GPHN: variants seen among roughly 807,000 people sequenced by gnomAD.
GPHN encodes gephyrin.
A neutral mutation model predicts 95.5 loss-of-function variants in GPHN; 17 were observed. That is an observed-to-expected ratio of 0.18 (90% confidence interval 0.12 to 0.27). GPHN has a LOEUF of 0.27. Ranked by LOEUF, GPHN falls within the 10% of genes least tolerant of loss-of-function variation. The pLI is 1.00. For missense variants in GPHN, 660 were observed against 978.1 expected (o/e 0.67, Z 4.34); for synonymous variants, 320 against 322.5 (o/e 0.99, Z 0.08).
At chr14:66,607,320 C>G (rs2062581216) in intron 1 of GPHN, among the ~76,000 whole-genome samples, 1 of 151,678 alleles carries the variant, frequency 6.6e-6, no homozygotes, top group Non-Finnish European at 1.5e-5. Flanking sequence ...AGAATACAGC[C>G]TACTCGATCA....
At chr14:67,556,412 A>G in the GPHN span, among the ~76,000 whole-genome samples, 111 of 152,292 alleles carry the variant, frequency 7.3e-4, 1 homozygote, top group African/African-American at 2.5e-3. Flanking sequence ...CTGAGATTAC[A>G]GGCGTGAGCC....
intron 13 of GPHN, among the ~76,000 whole-genome samples, chr14:67,109,524 A>G (rs2078247069): frequency 6.6e-6 from 1 of 152,194 alleles, no homozygotes; most frequent in Admixed American, 6.5e-5. Context: ...TTCAAAAGTA[A>G]TGTTTAACCT....
At chr14:67,439,545 C>CTT in the GPHN span, among the ~76,000 whole-genome samples, 91 of 137,994 alleles carry the variant, frequency 6.6e-4, no homozygotes, top group African/African-American at 2.5e-3. Context: ...TTCTTTCTTT[C>CTT]TTTCTTTCTT....
chr14:67,280,871 C>CCCTT, the GPHN span, among the ~76,000 whole-genome samples: 4 of 131,128 alleles, frequency 3.1e-5, no homozygotes, highest in African/African-American at 1.2e-4. Context: ...CTCCCTCCCT[C>CCCTT]CCTCCCTCCC....
intron 2 of GPHN, among the ~76,000 whole-genome samples, chr14:66,771,163 C>G (rs1471492234): frequency 2.0e-5 from 3 of 152,288 alleles, no homozygotes; most frequent in Admixed American, 1.3e-4. Context: ...AGTTATCACT[C>G]TCTTCAGTTG....
chr14:67,258,247 A>G, the GPHN span, among the ~76,000 whole-genome samples: 2 of 152,076 alleles, frequency 1.3e-5, no homozygotes, highest in African/African-American at 2.4e-5. Flanking sequence ...TAAAAATTTG[A>G]TAATAGGCCA....
At chr14:66,653,637 T>G (rs2065162920) in intron 1 of GPHN, among the ~76,000 whole-genome samples, 1 of 152,184 alleles carries the variant, frequency 6.6e-6, no homozygotes, top group African/African-American at 2.4e-5. Flanking sequence ...TGTTCTCCAT[T>G]TCTATAATAT....
chr14:67,394,136 G>A, the GPHN span, among the ~76,000 whole-genome samples: 7 of 152,168 alleles, frequency 4.6e-5, no homozygotes, highest in African/African-American at 1.7e-4. Context: ...AGGATTTTCA[G>A]ACATTTCTTT....
At chr14:66,560,857 G>A (rs1056978525) in intron 1 of GPHN, among the ~76,000 whole-genome samples, 110 of 152,080 alleles carry the variant, frequency 7.2e-4, no homozygotes, top group African/African-American at 2.5e-3. Context: ...TTGCCCATTC[G>A]GTATGATATC....
intron 4 of GPHN, among the ~76,000 whole-genome samples, chr14:66,828,710 A>G (rs938841039): frequency 1.3e-5 from 2 of 152,162 alleles, no homozygotes; most frequent in Non-Finnish European, 2.9e-5. Flanking sequence ...GAAAAAAAAC[A>G]ATCCAAAGAT....
intron 8 of GPHN, among the ~76,000 whole-genome samples, chr14:66,933,657 A>T (rs1044986066): frequency 2.6e-5 from 4 of 152,226 alleles, no homozygotes; most frequent in African/African-American, 9.6e-5. Flanking sequence ...TATAAAATGG[A>T]AATAATAATT....
chr14:67,549,244 CGT>C, the GPHN span, among the ~76,000 whole-genome samples: 4 of 148,528 alleles, frequency 2.7e-5, no homozygotes, highest in Admixed American at 6.7e-5. Flanking sequence ...GGTGTGTGTG[CGT>C]GTGTGTGTGT....
At chr14:67,113,571 A>G (rs529489047) in intron 16 of GPHN, among the ~76,000 whole-genome samples, 1 of 152,324 alleles carries the variant, frequency 6.6e-6, no homozygotes, top group South Asian at 2.1e-4. Context: ...CTGTGTGGGA[A>G]GTATCAATGA....
the GPHN span, among the ~76,000 whole-genome samples, chr14:67,323,232 CGTGTGTGT>C: frequency 1.6e-3 from 229 of 143,622 alleles, 2 homozygotes; most frequent in East Asian, 0.026. Flanking sequence ...CATATATACA[CGTGTGTGT>C]GTGTGTGTGT....
the GPHN span, among the ~76,000 whole-genome samples, chr14:67,295,539 T>A: frequency 6.7e-6 from 1 of 148,444 alleles, no homozygotes; most frequent in Non-Finnish European, 1.5e-5. Context: ...ACTACTCGGT[T>A]AAAAAAAAAT....
chr14:66,561,297 A>G (rs1203311576), intron 1 of GPHN, among the ~76,000 whole-genome samples: 1 of 152,078 alleles, frequency 6.6e-6, no homozygotes, highest in African/African-American at 2.4e-5. Flanking sequence ...TATTGATTGG[A>G]ATAGTTTCAG....
rs781463777 is a variant in GPHN, at chr14:67,058,689, T to C, written c.1047T>C (p.His349=). 1 of 1,613,356 alleles carries C rather than the reference T, an allele frequency of 6.2e-7. No homozygotes were observed. Among genetic ancestry groups the C allele is most frequent in the Non-Finnish European group, 8.5e-7 (1 of 1,179,246 alleles). ...ATATCACCAAGGTGGCTAGAAGACA[T>C]CGCATGTCTCCTTTTCCTCTGACAT... ...AVDITKVARR[H]RMSPFPLTSM... The change falls in exon 11 of 23, where the codon CAT becomes CAC. Residue 349 remains histidine (H), a synonymous_variant. Coordinates refer to ENST00000478722, the MANE Select transcript of GPHN (RefSeq NM_020806.5).
the GPHN span, among the ~76,000 whole-genome samples, chr14:67,276,084 A>C: frequency 6.6e-6 from 1 of 152,164 alleles, no homozygotes; most frequent in South Asian, 2.1e-4. Context: ...GGATTCATTG[A>C]TTTTTTGAAG....
chr14:67,213,216 A>G, the GPHN span, among the ~76,000 whole-genome samples: 3 of 150,026 alleles, frequency 2.0e-5, no homozygotes, highest in Non-Finnish European at 4.4e-5. Context: ...CACAATGTGC[A>G]GGTTAGTTAC....
Sources: allele counts gnomAD v4.1 joint callset (sites outside exome capture counted in the v4.1 genomes callset), GRCh38; gene constraint gnomAD v4.1.1; transcripts MANE v1.5; gene names NCBI Gene and HGNC (gene_info 2026-07-23, HGNC 2026-07-21).